Variants in SLC44A4 observed in about 807,000 individuals in gnomAD.
The protein encoded by SLC44A4 is choline transporter-like protein 4.
Under a neutral mutation model 97.0 loss-of-function variants are expected in SLC44A4, and 74 were observed. The ratio of observed to expected loss-of-function variants is 0.76; its 90% confidence interval spans 0.63 to 0.93. The LOEUF is 0.93. SLC44A4 is among the 40% of genes least tolerant of loss of function. SLC44A4 has a pLI of 0.00. For missense variants in SLC44A4, 799 were observed against 902.9 expected (o/e 0.88, Z 1.48); for synonymous variants, 325 against 363.8 (o/e 0.89, Z 1.21).
rs1371250445 is a variant in SLC44A4, at chr6:31,877,458, C to G, written c.41-376G>C. 6 of 396,184 alleles carry G rather than the reference C, an allele frequency of 1.5e-5. No homozygotes were observed. The highest frequency in any genetic ancestry group is 2.3e-5 in the Non-Finnish European group (6 of 257,736). The allele number at this position is 396,184 out of a possible 1,614,324, so 24.5% of individuals were successfully genotyped here. ...TCCCAGTGGCTCTCACTCCCTCATT[C>G]TCATCCCTGCCTCCTCCCTAATCCC... On this transcript the variant is annotated intron_variant, in intron 1 of 20. Transcript: ENST00000229729. The surrounding 1 kb of genome is among the most constrained non-coding windows in gnomAD (Gnocchi z 6.5).
At position 31,874,974 on chromosome 6, in the gene SLC44A4, G is replaced by C; in HGVS notation, c.297C>G (p.Asn99Lys). 1 of 1,613,560 alleles carries C rather than the reference G, an allele frequency of 6.2e-7. No individual in the cohort carries two copies. The change falls in exon 5 of 21, where the codon AAC (asparagine) becomes AAG (lysine). Residue 99 changes from asparagine to lysine, a missense_variant. Asn to Lys is a moderately conservative substitution (Grantham distance 94, BLOSUM62 0). Around this residue, in one of 3 missense-constraint regions of SLC44A4, gnomAD observed 409 missense variants for 434.1 expected, o/e 0.94. Transcript: ENST00000229729. The surrounding 1 kb of genome is among the most constrained non-coding windows in gnomAD (Gnocchi z 4.8). ...GGCCGTTCTCAGCAACTGAGATGAT[G>C]TTGCTGGACAGGATGCAGCTGAAGA... ...FNIFSCILSSNIISVAENGLQ... is the reference protein window; with the variant it reads ...FNIFSCILSSKIISVAENGLQ...
chr6:31,874,741 G>T lies in SLC44A4; in HGVS notation c.448C>A (p.Pro150Thr). The T allele has an allele frequency of 6.2e-7, 1 of 1,612,882 alleles. No individual in the cohort carries two copies. Among genetic ancestry groups the T allele is most frequent in the South Asian group, 1.1e-5 (1 of 90,924 alleles). ...TTCACCATATTCCAGGGTACCCCTG[G>T]CAGACAAAAGTTCCTGTTTTTTGTA... is the stretch of plus-strand genomic sequence containing the variant. Reference protein sequence around the residue: ...FYTKNRNFCLPGVPWNMTVIT... With the variant: ...FYTKNRNFCLTGVPWNMTVIT... The change falls in exon 6 of 21, where the codon CCA (proline) becomes ACA (threonine). Residue 150 changes from proline to threonine, a missense_variant. By Grantham distance (38) the Pro-to-Thr change is conservative. This residue lies in a region of SLC44A4 where 409 missense variants were observed against 434.1 expected (regional missense o/e 0.94). Coordinates refer to ENST00000229729, the MANE Select transcript of SLC44A4 (RefSeq NM_025257.3). This position sits in a 1 kb window ranked among gnomAD's most constrained non-coding sequence, Gnocchi z 4.8.
At position 31,868,231 on chromosome 6, in the gene SLC44A4, C is replaced by T. The variant is rs1762964411; in HGVS notation, c.1233+924G>A. Among the ~76,000 whole-genome samples, 4 of 152,318 alleles carry T rather than the reference C, an allele frequency of 2.6e-5. No individual in the cohort carries two copies. In the South Asian group the frequency reaches 6.2e-4, roughly 24 times the overall value. ...GAAGAGTAAATTCCCAGCAGCCCAG[C>T]GCCACTCCCGGGGAACCTCACAGGG... On this transcript the variant is annotated intron_variant, in intron 13 of 20. Coordinates refer to ENST00000229729, the MANE Select transcript of SLC44A4 (RefSeq NM_025257.3).
At chr6:31,866,868 T>A (rs1762899044) in intron 13 of SLC44A4, among the ~76,000 whole-genome samples, 1 of 149,530 alleles carries the variant, frequency 6.7e-6, no homozygotes, top group Non-Finnish European at 1.5e-5. Context: ...CACTCCAGCC[T>A]GGGAGACAAG....
Position 31,874,575 on chromosome 6 carries a change from G to C in SLC44A4, c.469-55C>G, listed in dbSNP as rs1479412856. ...AGACACAGAGCAGGATGAAGAAGCA[G>C]GTCCCCTCACCACCACCATGGGGCT... On this transcript the variant is annotated intron_variant, in intron 6 of 20. Coordinates refer to ENST00000229729, the MANE Select transcript of SLC44A4 (RefSeq NM_025257.3). This position sits in a 1 kb window ranked among gnomAD's most constrained non-coding sequence, Gnocchi z 4.8. 5 of 1,590,960 alleles carry C rather than the reference G, an allele frequency of 3.1e-6. No individual in the cohort carries two copies. In the African/African-American group the frequency reaches 4.0e-5, roughly 13 times the overall value.
chr6:31,864,855 A>G lies in SLC44A4; in HGVS notation c.1887T>C (p.Phe629=), dbSNP rs1209286657. Residue 629 remains phenylalanine (F), a synonymous_variant, in exon 19 of 21, where the codon TTT becomes TTC. Transcript: ENST00000229729. ...SGRIPGLGKD[F]KSPHLNYYWL... ...AGTAATAGTTGAGGTGGGGGCTCTT[A>G]AAGTCTTTACCCAGCCCCGGGATGC... is the stretch of plus-strand genomic sequence containing the variant. The G allele has an allele frequency of 3.1e-6, 5 of 1,613,922 alleles. No homozygotes were observed. Among genetic ancestry groups the G allele is most frequent in the African/African-American group, 2.7e-5 (2 of 74,860 alleles).
Position 31,874,319 on chromosome 6 carries a change from G to T in SLC44A4, c.529+141C>A. On this transcript the variant is annotated intron_variant, in intron 7 of 20. Coordinates refer to ENST00000229729, the MANE Select transcript of SLC44A4 (RefSeq NM_025257.3). The surrounding 1 kb of genome is among the most constrained non-coding windows in gnomAD (Gnocchi z 4.8). ...TGACTGCAAGGCCACATAACAAAGA[G>T]CAAAATGAAGACCTGATGCTAATTC... 1.1e-6 allele frequency: 1 copy of T among 880,174 alleles called. No individual in the cohort carries two copies. Among genetic ancestry groups the T allele is most frequent in the Non-Finnish European group, 1.8e-6 (1 of 542,222 alleles). 54.5% of individuals were successfully genotyped at this position (880,174 alleles called of 1,614,324 possible). A position where few individuals can be genotyped will look rare whatever the true frequency, so the allele number is the denominator to read the frequency against.
rs768140352 is a variant in SLC44A4, at chr6:31,869,629, C to G, written c.1046G>C (p.Gly349Ala). 1.0e-5 allele frequency: 16 copies of G among 1,600,604 alleles called. No individual in the cohort carries two copies. Among genetic ancestry groups the G allele is most frequent in the Non-Finnish European group, 1.4e-5 (16 of 1,174,032 alleles). The change falls in exon 12 of 21, where the codon GGA (glycine) becomes GCA (alanine). Residue 349 changes from glycine (G) to alanine (A), a missense_variant. Gly to Ala is a moderately conservative substitution (Grantham distance 60, BLOSUM62 0). This residue lies in a region of SLC44A4 where 11 missense variants were observed against 30.5 expected (regional missense o/e 0.36). Coordinates refer to ENST00000229729, the MANE Select transcript of SLC44A4 (RefSeq NM_025257.3). Reference protein sequence around the residue: ...ALLKEASKAVGQMMSTMFYPL... With the variant: ...ALLKEASKAVAQMMSTMFYPL... ...GTAGAACATGGTAGACATCATCTGT[C>G]CCACAGCCCTGCAGGGAGACAAAGC...
In SLC44A4 at chr6:31,870,664, T is replaced by C. The variant is rs644827; in HGVS notation, c.976A>G (p.Met326Val). Residue 326 changes from methionine (M) to valine (V), a missense_variant, in exon 11 of 21, where the codon ATG becomes GTG. Transcript: ENST00000229729. ...LAVLEAILLLMLIFLRQRIRI... is the reference protein window; with the variant it reads ...LAVLEAILLLVLIFLRQRIRI... ...ATCCGCTGCCGCAGGAAGATGAGCA[T>C]CAGCAGCAGGATGGCTTCAAGCACC... is the stretch of plus-strand genomic sequence containing the variant. 0.56 allele frequency: 906,133 copies of C among 1,609,116 alleles called. 259,817 individuals are homozygous for C. The highest frequency in any genetic ancestry group is 0.79 in the Middle Eastern group (4,777 of 6,054).
chr6:31,876,006 G>T lies in SLC44A4; in HGVS notation c.163+50C>A. ...CAGTTATGGGAATGGTCCCTCCCTG[G>T]GTTCCTGTCCCTCACCCACTGCCCT... On this transcript the variant is annotated intron_variant, in intron 3 of 20. Coordinates refer to ENST00000229729, the MANE Select transcript of SLC44A4 (RefSeq NM_025257.3). The surrounding 1 kb of genome is among the most constrained non-coding windows in gnomAD (Gnocchi z 4.8). The T allele has an allele frequency of 6.2e-7, 1 of 1,612,484 alleles. No homozygotes were observed. The highest frequency in any genetic ancestry group is 8.5e-7 in the Non-Finnish European group (1 of 1,178,604).
Position 31,876,875 on chromosome 6 carries a change from C to T in SLC44A4, c.89+159G>A, listed in dbSNP as rs1763473039. Among the ~76,000 whole-genome samples, 1 of 152,130 alleles carries T rather than the reference C, an allele frequency of 6.6e-6. No homozygotes were observed. The highest frequency in any genetic ancestry group is 1.5e-5 in the Non-Finnish European group (1 of 68,014). On this transcript the variant is annotated intron_variant, in intron 2 of 20. Coordinates refer to ENST00000229729, the MANE Select transcript of SLC44A4 (RefSeq NM_025257.3). This position sits in a 1 kb window ranked among gnomAD's most constrained non-coding sequence, Gnocchi z 4.8. Reference sequence around the variant, plus strand: ...AACTGGGAAGCCCTCGATGCCTGCTCCAGACACAACAATCCCCCCAGGGCA... The same window carrying T: ...AACTGGGAAGCCCTCGATGCCTGCTTCAGACACAACAATCCCCCCAGGGCA...
chr6:31,868,570 T>G (rs895395577), intron 13 of SLC44A4, among the ~76,000 whole-genome samples: 1 of 152,142 alleles, frequency 6.6e-6, no homozygotes, highest in Non-Finnish European at 1.5e-5. Flanking sequence ...GGTACCTGAC[T>G]ACATCGGGGC....
chr6:31,871,627 C>T, intron 7 of SLC44A4, 66 bp from the exon 8 acceptor site: 1 of 1,256,654 alleles, frequency 8.0e-7, no homozygotes, highest in Non-Finnish European at 1.2e-6. Context: ...CTCTGGCCCC[C>T]TCCCAGTCCA....
Position 31,876,210 on chromosome 6 carries a change from G to C in SLC44A4, c.90-81C>G. The C allele has an allele frequency of 9.1e-7, 1 of 1,094,536 alleles. No homozygotes were observed. The highest frequency in any genetic ancestry group is 1.3e-6 in the Non-Finnish European group (1 of 752,092). 67.8% of individuals were successfully genotyped at this position (1,094,536 alleles called of 1,614,324 possible). ...TATGGTCTGGAGGGGTTAAGGGTTAGAGAGTTGGGTGATGCTGCAGCATGG... is the reference window on the plus strand; with the variant it reads ...TATGGTCTGGAGGGGTTAAGGGTTACAGAGTTGGGTGATGCTGCAGCATGG... On this transcript the variant is annotated intron_variant, in intron 2 of 20. Coordinates refer to ENST00000229729, the MANE Select transcript of SLC44A4 (RefSeq NM_025257.3). This position sits in a 1 kb window ranked among gnomAD's most constrained non-coding sequence, Gnocchi z 4.8.
Position 31,865,092 on chromosome 6 carries a change from G to T in SLC44A4, c.1761-12C>A, listed in dbSNP as rs1462081193. 6.2e-7 allele frequency: 1 copy of T among 1,613,232 alleles called. No individual in the cohort carries two copies. The highest frequency in any genetic ancestry group is 1.1e-5 in the South Asian group (1 of 91,092). On this transcript the variant is annotated splice_polypyrimidine_tract_variant and intron_variant, in intron 17 of 20. Transcript: ENST00000229729. This position sits in a 1 kb window ranked among gnomAD's most constrained non-coding sequence, Gnocchi z 5.2. ...CCAGGACGACCACCCTGTGCCAGAAGTTAGGGCAGGTTGAGGGTGAGAGGC... is the reference window on the plus strand; with the variant it reads ...CCAGGACGACCACCCTGTGCCAGAATTTAGGGCAGGTTGAGGGTGAGAGGC...
rs1314477620 is a variant in SLC44A4, at chr6:31,874,193, A to T, written c.529+267T>A. Among the ~76,000 whole-genome samples, 1 of 152,146 alleles carries T rather than the reference A, an allele frequency of 6.6e-6. No homozygotes were observed. The highest frequency in any genetic ancestry group is 6.5e-5 in the Admixed American group (1 of 15,270). ...ATACAGTCTCTTTGTGAACAACTCT[A>T]ATCTCTTCACCTAGAATGTAGCTGA... On this transcript the variant is annotated intron_variant, in intron 7 of 20. Coordinates refer to ENST00000229729, the MANE Select transcript of SLC44A4 (RefSeq NM_025257.3). This position sits in a 1 kb window ranked among gnomAD's most constrained non-coding sequence, Gnocchi z 4.8.
At position 31,874,736 on chromosome 6, in the gene SLC44A4, C is replaced by G. The variant is rs1422949361; in HGVS notation, c.453G>C (p.Gly151=). ...YTKNRNFCLP[G]VPWNMTVITS... The stretch of plus-strand genomic sequence containing the variant: ...CAATATTCACCATATTCCAGGGTAC[C>G]CCTGGCAGACAAAAGTTCCTGTTTT... Residue 151 remains glycine, a synonymous_variant, in exon 6 of 21, where the codon GGG becomes GGC. Transcript: ENST00000229729. This position sits in a 1 kb window ranked among gnomAD's most constrained non-coding sequence, Gnocchi z 4.8. 6.2e-7 allele frequency: 1 copy of G among 1,612,316 alleles called. No homozygotes were observed. Among genetic ancestry groups the G allele is most frequent in the Non-Finnish European group, 8.5e-7 (1 of 1,179,140 alleles).
In SLC44A4 at chr6:31,876,088, A is replaced by G; in HGVS notation, c.131T>C (p.Phe44Ser). ...DVICCVLFLLFILGYIVVGIV... is the reference protein window; with the variant it reads ...DVICCVLFLLSILGYIVVGIV... Reference sequence around the variant, plus strand: ...CCCCACCACGATGTAACCTAGAATGAAGAGCAGGAAGAGGACGCAGCAGAT... The same window carrying G: ...CCCCACCACGATGTAACCTAGAATGGAGAGCAGGAAGAGGACGCAGCAGAT... Residue 44 changes from phenylalanine (F) to serine (S), a missense_variant, in exon 3 of 21, where the codon TTC becomes TCC. Phe to Ser is a radical substitution (Grantham distance 155, BLOSUM62 -2). Transcript: ENST00000229729. This position sits in a 1 kb window ranked among gnomAD's most constrained non-coding sequence, Gnocchi z 4.8. 1 of 1,614,000 alleles carries G rather than the reference A, an allele frequency of 6.2e-7. No homozygotes were observed. The highest frequency in any genetic ancestry group is 8.5e-7 in the Non-Finnish European group (1 of 1,179,984).
At chr6:31,872,110 G>A (rs929082165) in intron 7 of SLC44A4, among the ~76,000 whole-genome samples, 2 of 152,072 alleles carry the variant, frequency 1.3e-5, no homozygotes, top group African/African-American at 4.8e-5. Flanking sequence ...ACCTCCTCCA[G>A]GAAGCCTTCT....
Sources: gnomAD v4.1 joint callset for allele counts (sites outside exome capture counted in the v4.1 genomes callset) on GRCh38, gnomAD v4.1.1 for gene constraint, gnomAD v4.1.1 regional missense constraint, Gnocchi (gnomAD v3.1) non-coding constraint, MANE v1.5 for transcripts, NCBI Gene and HGNC (gene_info 2026-07-23, HGNC 2026-07-21) for gene names.